EMCN: variants seen among roughly 807,000 people sequenced by gnomAD.
EMCN encodes endomucin, also known as MUC-14.
A neutral mutation model predicts 38.4 loss-of-function variants in EMCN; 37 were observed. The observed-to-expected ratio is 0.96, with a 90% CI of 0.74 to 1.27. The LOEUF is 1.27. EMCN is among the 50% of genes most tolerant of loss of function. EMCN has a pLI of 0.00. For missense variants in EMCN, 318 were observed against 302.8 expected, an observed-to-expected ratio of 1.05 and a Z score of -0.37; for synonymous variants, 95 against 100.8, an observed-to-expected ratio of 0.94 and a Z score of 0.35.
At chr4:100,502,661 A>G (rs1729379909) in intron 1 of EMCN, among the ~76,000 whole-genome samples, 1 of 152,172 alleles carries the variant, frequency 6.6e-6, no homozygotes, top group Non-Finnish European at 1.5e-5. Flanking sequence ...AGATTGTCTT[A>G]TTGTTATTCT....
intron 4 of EMCN, among the ~76,000 whole-genome samples, chr4:100,453,143 G>A (rs1467461903): frequency 1.3e-5 from 2 of 152,040 alleles, no homozygotes; most frequent in Admixed American, 1.3e-4. Context: ...ACCAAAAGCA[G>A]TGGCAACAAA....
intron 5 of EMCN, among the ~76,000 whole-genome samples, chr4:100,446,996 G>A (rs1187291464): frequency 6.6e-6 from 1 of 152,142 alleles, no homozygotes; most frequent in Non-Finnish European, 1.5e-5. Flanking sequence ...TTTCTGAACA[G>A]GAAGACTCAA....
intron 5 of EMCN, among the ~76,000 whole-genome samples, chr4:100,447,263 G>A (rs1727698592): frequency 6.6e-6 from 1 of 152,174 alleles, no homozygotes; most frequent in Admixed American, 6.6e-5. Context: ...GGGTTTCAGG[G>A]CAGAGGACAG....
At chr4:100,429,355 C>T (rs1251601301) in intron 5 of EMCN, among the ~76,000 whole-genome samples, 1 of 152,138 alleles carries the variant, frequency 6.6e-6, no homozygotes, top group Non-Finnish European at 1.5e-5. Flanking sequence ...CCTGGAGTCT[C>T]CTCTAACTTT....
intron 5 of EMCN, among the ~76,000 whole-genome samples, chr4:100,439,892 T>G (rs1727462377): frequency 6.6e-6 from 1 of 152,108 alleles, no homozygotes; most frequent in African/African-American, 2.4e-5. Flanking sequence ...ACTCATTGGT[T>G]GTTCAGGAGC....
chr4:100,464,926 A>G (rs1728274095), intron 4 of EMCN, among the ~76,000 whole-genome samples: 1 of 151,936 alleles, frequency 6.6e-6, no homozygotes. Context: ...TTACTTTCTA[A>G]AAGAGTTTGG....
At chr4:100,474,415 A>T (rs1355042799) in intron 3 of EMCN, among the ~76,000 whole-genome samples, 1 of 152,226 alleles carries the variant, frequency 6.6e-6, no homozygotes, top group African/African-American at 2.4e-5. Flanking sequence ...TGGAAATGTA[A>T]TATAGTACAG....
At chr4:100,423,211 C>T in intron 6 of EMCN, 101 bp downstream of exon 6, 3 of 1,320,178 alleles carry the variant, frequency 2.3e-6, no homozygotes, top group Non-Finnish European at 3.3e-6. Context: ...GATTCAGTCT[C>T]ATTCTGAAGG....
At chr4:100,402,224 G>A (rs752515581) in intron 11 of EMCN, among the ~76,000 whole-genome samples, 18 of 151,972 alleles carry the variant, frequency 1.2e-4, no homozygotes, top group African/African-American at 2.2e-4. Context: ...CTGCCCTGCC[G>A]AATCACATTA....
intron 9 of EMCN, among the ~76,000 whole-genome samples, chr4:100,416,335 A>T (rs1350798023): frequency 6.6e-6 from 1 of 152,170 alleles, no homozygotes; most frequent in Non-Finnish European, 1.5e-5. Context: ...AATTATGGAG[A>T]GGAAGACATA....
chr4:100,497,383 G>GTT (rs577195322), intron 1 of EMCN, among the ~76,000 whole-genome samples: 11 of 145,940 alleles, frequency 7.5e-5, no homozygotes, highest in African/African-American at 2.5e-4. Flanking sequence ...TTGTTTGTTT[G>GTT]TTTTTTTTTT....
At chr4:100,491,739 T>C (rs1940784441) in intron 1 of EMCN, among the ~76,000 whole-genome samples, 4 of 152,192 alleles carry the variant, frequency 2.6e-5, no homozygotes, top group African/African-American at 9.6e-5. Flanking sequence ...CAGAGGTCAG[T>C]CAGTGGTCTT....
intron 8 of EMCN, 22 bp downstream of exon 8, chr4:100,421,260 A>G (rs773161081): frequency 1.9e-6 from 3 of 1,603,820 alleles, no homozygotes; most frequent in Non-Finnish European, 1.7e-6. Flanking sequence ...TCAGGAAAAC[A>G]AAACAAAACA....
At chr4:100,406,508 A>G (rs115223171) in intron 11 of EMCN, among the ~76,000 whole-genome samples, 2,220 of 152,256 alleles carry the variant, frequency 0.015, 48 homozygotes, top group African/African-American at 0.05. Flanking sequence ...GTCATTCAGG[A>G]GCAGATTATT....
rs117558471 is a variant in EMCN at position 100,456,327 on chromosome 4, T to G, written c.377-8756A>C. 1.6e-3 allele frequency among the ~76,000 whole-genome samples: 238 copies of G among 152,334 alleles called. 8 individuals are homozygous for G. In the East Asian group the frequency reaches 0.04, roughly 26 times the overall value. On this transcript the variant is annotated intron_variant, in intron 4 of 11. Transcript: ENST00000296420. ...GTACATTTGCTTTCCAATTCATTAA[T>G]TCCTACTCATATTTTTATTGTTTTC...
intron 5 of EMCN, among the ~76,000 whole-genome samples, chr4:100,433,725 G>A (rs762967619): frequency 1.3e-4 from 19 of 151,728 alleles, no homozygotes; most frequent in African/African-American, 4.4e-4. Flanking sequence ...TAGTAGGGAC[G>A]GGGTTTCACC....
chr4:100,469,958 A>G (rs1728429797), intron 3 of EMCN, among the ~76,000 whole-genome samples: 1 of 152,056 alleles, frequency 6.6e-6, no homozygotes, highest in African/African-American at 2.4e-5. Context: ...TTTAATAGAC[A>G]ATACCATTTA....
intron 5 of EMCN, among the ~76,000 whole-genome samples, chr4:100,446,649 G>A (rs758107049): frequency 6.6e-5 from 10 of 151,936 alleles, no homozygotes; most frequent in African/African-American, 1.7e-4. Context: ...AGGTAAACTC[G>A]TGTCATGGGG....
chr4:100,471,470 G>T (rs752831975), intron 3 of EMCN, among the ~76,000 whole-genome samples: 3 of 151,828 alleles, frequency 2.0e-5, no homozygotes, highest in Non-Finnish European at 2.9e-5. Context: ...CATAAAGAAA[G>T]CTCAGCACCA....
Sources: gnomAD v4.1 joint callset for allele counts (sites outside exome capture counted in the v4.1 genomes callset) on GRCh38, gnomAD v4.1.1 for gene constraint, MANE v1.5 for transcripts, NCBI Gene and HGNC (gene_info 2026-07-23, HGNC 2026-07-21) for gene names.